Variants in ATG4A observed in about 807,000 individuals in gnomAD.
ATG4A encodes the protein autophagy related 4A cysteine peptidase.
A neutral mutation model predicts 38.4 loss-of-function variants in ATG4A; 22 were observed. That is an observed-to-expected ratio of 0.57 (90% CI 0.41 to 0.82). ATG4A has a LOEUF of 0.82. ATG4A is among the 40% of genes least tolerant of loss of function. The pLI is 0.00. For missense variants in ATG4A, 220 were observed against 290.0 expected (o/e 0.76, Z 1.75); for synonymous variants, 86 against 100.7 (o/e 0.85, Z 0.88).
At chrX:108,102,445 A>G (rs113697396) in intron 1 of ATG4A, among the ~76,000 whole-genome samples, 46 of 112,096 alleles carry the variant, frequency 4.1e-4, no homozygotes, top group African/African-American at 1.4e-3. Flanking sequence ...AATAATTTAG[A>G]TATTGAACCC....
chrX:108,146,953 C>T (rs1381793062), intron 9 of ATG4A, among the ~76,000 whole-genome samples: 1 of 112,198 alleles, frequency 8.9e-6, no homozygotes, highest in Non-Finnish European at 1.9e-5. Flanking sequence ...GTGTTCTTTC[C>T]ACCATTATCC....
At chrX:108,146,456 A>G (rs1424270742) in intron 9 of ATG4A, among the ~76,000 whole-genome samples, 2 of 111,527 alleles carry the variant, frequency 1.8e-5, no homozygotes, top group Admixed American at 1.9e-4. Context: ...TACGGTAGCT[A>G]TGCCCACCTT....
chrX:108,101,895 G>C (rs1381413210), intron 1 of ATG4A, among the ~76,000 whole-genome samples: 1 of 110,162 alleles, frequency 9.1e-6, no homozygotes, highest in East Asian at 2.9e-4. Flanking sequence ...CCATATTGTA[G>C]CATATGACAG....
At position 108,154,146 on chromosome X, in the gene ATG4A, C is replaced by T. The variant is rs1358219912; in HGVS notation, c.*434C>T. 1 of 114,311 alleles carries T rather than the reference C, an allele frequency of 8.7e-6. No individual in the cohort carries two copies. 9.4% of individuals were successfully genotyped at this position (114,311 alleles called of 1,213,427 possible). On this transcript the variant is annotated 3_prime_UTR_variant, in exon 13 of 13. Coordinates refer to ENST00000372232, the MANE Select transcript of ATG4A (RefSeq NM_052936.5). ...TTTGGACTAAGCAGCAATCTGTTCT[C>T]TTGCTCAAATAATAAAGTGACTGAA...
intron 9 of ATG4A, among the ~76,000 whole-genome samples, chrX:108,146,760 C>G (rs1213899063): frequency 1.8e-5 from 2 of 111,874 alleles, no homozygotes; most frequent in Non-Finnish European, 3.8e-5. Context: ...CCTTCCTCTA[C>G]ATAAAACCAA....
At chrX:108,137,510 T>TA (rs2033136512) in intron 7 of ATG4A, among the ~76,000 whole-genome samples, 1 of 112,202 alleles carries the variant, frequency 8.9e-6, no homozygotes, top group East Asian at 2.8e-4. Flanking sequence ...AACCTAAAGA[T>TA]ACAGTCCCTG....
chrX:108,147,862 C>T (rs1353019600), intron 9 of ATG4A, among the ~76,000 whole-genome samples: 1 of 108,368 alleles, frequency 9.2e-6, no homozygotes, highest in Non-Finnish European at 1.9e-5. Context: ...GAAGTACAGT[C>T]CTTAGCATTT....
intron 10 of ATG4A, 94 bp downstream of exon 10, chrX:108,150,391 T>C (rs377106118): frequency 9.1e-7 from 1 of 1,097,086 alleles, no homozygotes. Context: ...AAGGCAAGAG[T>C]ATGTTTGCTC....
At chrX:108,096,141 G>A (rs760418424) in intron 1 of ATG4A, among the ~76,000 whole-genome samples, 138 of 112,587 alleles carry the variant, frequency 1.2e-3, no homozygotes, top group Middle Eastern at 4.6e-3. Context: ...AGTGGATAAA[G>A]CATCTTGACA....
At chrX:108,145,851 C>T (rs111305620) in intron 9 of ATG4A, among the ~76,000 whole-genome samples, 2 of 111,803 alleles carry the variant, frequency 1.8e-5, no homozygotes, top group African/African-American at 3.3e-5. Context: ...GAAATGACCA[C>T]GGGATGAGTC....
intron 1 of ATG4A, among the ~76,000 whole-genome samples, chrX:108,097,331 A>G (rs1001194689): frequency 6.2e-5 from 7 of 112,118 alleles, no homozygotes; most frequent in African/African-American, 2.3e-4. Flanking sequence ...GCAATACAAA[A>G]TGCTGTCAGA....
At chrX:108,116,051 G>T (rs2032501813) in intron 1 of ATG4A, among the ~76,000 whole-genome samples, 1 of 111,949 alleles carries the variant, frequency 8.9e-6, no homozygotes. Flanking sequence ...CCCTTTAATT[G>T]CAAGCTGTAT....
intron 1 of ATG4A, among the ~76,000 whole-genome samples, chrX:108,125,679 A>T (rs1447248377): frequency 8.9e-6 from 1 of 111,899 alleles, no homozygotes; most frequent in African/African-American, 3.2e-5. Flanking sequence ...TCACAATACA[A>T]ACCTCATGAT....
chrX:108,133,273 T>C (rs778342877), intron 4 of ATG4A, among the ~76,000 whole-genome samples: 10 of 112,515 alleles, frequency 8.9e-5, no homozygotes, highest in South Asian at 3.7e-4. Flanking sequence ...CAAAAATCTG[T>C]CCCATTAGAC....
At chrX:108,117,112 T>G (rs2032530317) in intron 1 of ATG4A, among the ~76,000 whole-genome samples, 1 of 111,825 alleles carries the variant, frequency 8.9e-6, no homozygotes, top group African/African-American at 3.3e-5. Context: ...AGGTACTCAG[T>G]AAAGGATTGT....
chrX:108,153,107 C>G lies in ATG4A; in HGVS notation c.1126+20C>G. 1.8e-6 allele frequency: 2 copies of G among 1,100,879 alleles called. No homozygotes were observed. The highest frequency in any genetic ancestry group is 2.5e-6 in the Non-Finnish European group (2 of 795,429). The allele number at this position is 1,100,879 out of a possible 1,213,427, so 90.7% of individuals were successfully genotyped here. ...GGGCAGGTAAGCTGTTGTTCAATGG[C>G]TCTCAGCTAGCAGACCCACATATAG... On this transcript the variant is annotated intron_variant, in intron 12 of 12. Coordinates refer to ENST00000372232, the MANE Select transcript of ATG4A (RefSeq NM_052936.5).
chrX:108,096,464 G>A (rs893525512), intron 1 of ATG4A, among the ~76,000 whole-genome samples: 1 of 111,574 alleles, frequency 9.0e-6, no homozygotes, highest in African/African-American at 3.3e-5. Flanking sequence ...TACTTCTCTA[G>A]TTGATTATGG....
chrX:108,106,509 A>G (rs2032176138), intron 1 of ATG4A, among the ~76,000 whole-genome samples: 2 of 111,906 alleles, frequency 1.8e-5, no homozygotes, highest in South Asian at 7.4e-4. Context: ...CCTTCCTGAT[A>G]CCTAAAGATT....
intron 1 of ATG4A, among the ~76,000 whole-genome samples, chrX:108,118,426 A>G (rs1051885324): frequency 9.0e-6 from 1 of 111,437 alleles, no homozygotes; most frequent in Non-Finnish European, 1.9e-5. Flanking sequence ...CTCACTAGCT[A>G]TATGATCTTG....
Sources: gnomAD v4.1 joint callset for allele counts (sites outside exome capture counted in the v4.1 genomes callset) on GRCh38, gnomAD v4.1.1 for gene constraint, MANE v1.5 for transcripts, NCBI Gene and HGNC (gene_info 2026-07-23, HGNC 2026-07-21) for gene names.